Variants in MROH2A observed in about 807,000 individuals in gnomAD.
MROH2A encodes maestro heat-like repeat-containing protein family member 2A.
In MROH2A, 174 loss-of-function variants were observed where a neutral mutation model predicts 200.4. The ratio of observed to expected loss-of-function variants is 0.87; its 90% CI spans 0.77 to 0.98. MROH2A has a LOEUF of 0.98. Among genes scored for constraint, MROH2A ranks in the 50% least tolerant of loss-of-function variants. The pLI is 0.00. For synonymous variants in MROH2A, 829 were observed against 840.4 expected, an observed-to-expected ratio of 0.99 and a Z score of 0.23; for missense variants, 2,045 against 2,139.6, an observed-to-expected ratio of 0.96 and a Z score of 0.87.
At chr2:233,814,362 T>C (rs1352199138) in intron 25 of MROH2A, among the ~76,000 whole-genome samples, 1 of 152,198 alleles carries the variant, frequency 6.6e-6, no homozygotes, top group Non-Finnish European at 1.5e-5. Flanking sequence ...GGATGAAGAA[T>C]CAGAACTGGG....
intron 22 of MROH2A, among the ~76,000 whole-genome samples, chr2:233,809,674 T>A (rs1338062146): frequency 1.3e-5 from 2 of 152,186 alleles, no homozygotes; most frequent in East Asian, 3.8e-4. Flanking sequence ...TTTCTTGGAA[T>A]GGCAAGGAGG....
rs1404432914 is a variant in MROH2A at position 233,813,717 on chromosome 2, A to G, written c.2699A>G (p.Asp900Gly). 1 of 1,550,298 alleles carries G rather than the reference A, an allele frequency of 6.5e-7. No individual in the cohort carries two copies. Among genetic ancestry groups the G allele is most frequent in the East Asian group, 2.4e-5 (1 of 40,920 alleles). The change falls in exon 25 of 42, where the codon GAT becomes GGT. Residue 900 changes from aspartate (D) to glycine (G), a missense_variant. Around this residue, in one of 3 missense-constraint regions of MROH2A, gnomAD observed 1,201 missense variants for 1,311.3 expected, o/e 0.92. Coordinates refer to ENST00000389758, the MANE Select transcript of MROH2A (RefSeq NM_001394639.1). The part of the protein sequence containing the change: ...YSTEENSELM[D>G]ISIHSVISLQ... ...ACAGAGGAAAACAGTGAGCTGATGGATATCAGCATACATTCTGTAATTTCT... is the reference window on the plus strand; with the variant it reads ...ACAGAGGAAAACAGTGAGCTGATGGGTATCAGCATACATTCTGTAATTTCT...
In MROH2A at chr2:233,793,676, T is replaced by C. The variant is rs746888454; in HGVS notation, c.674T>C (p.Met225Thr). The C allele has an allele frequency of 3.6e-6, 5 of 1,401,220 alleles. No individual in the cohort carries two copies. Among genetic ancestry groups the C allele is most frequent in the Non-Finnish European group, 3.7e-6 (4 of 1,071,710 alleles). 86.8% of individuals were successfully genotyped at this position (1,401,220 alleles called of 1,614,324 possible). ...ATTCCCCTGTTGCTGTTGGTAGCCA[T>C]GGAGACCTTCTGTGAGACGGTGCAG... ...AKIRQAICSA[M>T]ETFCETVQFY... Residue 225 changes from methionine to threonine, a missense_variant, in exon 7 of 42, where the codon ATG becomes ACG. Physicochemically the swap from Met to Thr is moderately conservative, Grantham distance 81. This residue lies in a region of MROH2A where 831 missense variants were observed against 800.0 expected (regional missense o/e 1.04). Coordinates refer to ENST00000389758, the MANE Select transcript of MROH2A (RefSeq NM_001394639.1).
At position 233,829,743 on chromosome 2, in the gene MROH2A, C is replaced by A; in HGVS notation, c.4570C>A (p.His1524Asn). 1 of 1,458,834 alleles carries A rather than the reference C, an allele frequency of 6.9e-7. No homozygotes were observed. The highest frequency in any genetic ancestry group is 9.1e-7 in the Non-Finnish European group (1 of 1,101,502). The allele number at this position is 1,458,834 out of a possible 1,614,324, so 90.4% of individuals were successfully genotyped here. A position where few individuals can be genotyped will look rare whatever the true frequency, so the allele number is the denominator to read the frequency against. Residue 1524 changes from histidine to asparagine, a missense_variant, in exon 38 of 42, where the codon CAC becomes AAC. By Grantham distance (68) the His-to-Asn change is moderately conservative. Transcript: ENST00000389758. ...GAAGGCCTGGATCCCCCTCATGCTG[C>A]ACTCCCAGGACCCCTGCTCCAATGC... ...VKKAWIPLMLHSQDPCSNAAQ... is the reference protein window; with the variant it reads ...VKKAWIPLMLNSQDPCSNAAQ...
At chr2:233,789,156 G>A (rs2126098428) in intron 3 of MROH2A, among the ~76,000 whole-genome samples, 1 of 152,196 alleles carries the variant, frequency 6.6e-6, no homozygotes, top group Middle Eastern at 3.4e-3. Flanking sequence ...TCCCTCAATA[G>A]GGCAAAGGCA....
chr2:233,798,750 G>A, intron 11 of MROH2A, 24 bp from the exon 12 acceptor site: 3 of 1,542,430 alleles, frequency 1.9e-6, no homozygotes, highest in Non-Finnish European at 2.6e-6. Context: ...CAGCCCTCCA[G>A]CCCACCCAGT....
intron 19 of MROH2A, among the ~76,000 whole-genome samples, chr2:233,806,956 C>T (rs1203613644): frequency 1.3e-5 from 2 of 152,106 alleles, no homozygotes; most frequent in Non-Finnish European, 2.9e-5. Context: ...TACCCTTTCC[C>T]CCTGAGTCCG....
At chr2:233,805,900 C>T (rs1481219666) in intron 19 of MROH2A, among the ~76,000 whole-genome samples, 1 of 152,042 alleles carries the variant, frequency 6.6e-6, no homozygotes, top group African/African-American at 2.4e-5. Flanking sequence ...CTTCCTCACA[C>T]CACACATAAA....
rs780995366 is a variant in MROH2A at position 233,811,965 on chromosome 2, C to T, written c.2651+6C>T. On this transcript the variant is annotated splice_donor_region_variant and intron_variant, in intron 24 of 41. Coordinates refer to ENST00000389758, the MANE Select transcript of MROH2A (RefSeq NM_001394639.1). ...GAGGCCCTCTCGCACCTGAGGTGAG[C>T]TGGGTTCCCACCCTCACCCCATCCC... The T allele has an allele frequency of 1.7e-5, 27 of 1,543,516 alleles. No homozygotes were observed. The East Asian group carries it at 5.4e-4, about 31-fold the overall frequency.
rs888730442 is a variant in MROH2A at position 233,828,807 on chromosome 2, C to G, written c.4263+28C>G. 6.5e-7 allele frequency: 1 copy of G among 1,549,054 alleles called. No homozygotes were observed. The highest frequency in any genetic ancestry group is 8.7e-7 in the Non-Finnish European group (1 of 1,146,016). ...ACTGTGCCTGGCCCTGGGCCCAGGT[C>G]CCGGGAGCTGAGGGTGCAGGCCGGG... On this transcript the variant is annotated intron_variant, in intron 36 of 41. Transcript: ENST00000389758. The surrounding 1 kb of genome is among the most constrained non-coding windows in gnomAD (Gnocchi z 4.6).
intron 26 of MROH2A, among the ~76,000 whole-genome samples, chr2:233,815,619 A>G (rs1703463510): frequency 2.0e-5 from 3 of 152,170 alleles, no homozygotes; most frequent in Admixed American, 2.0e-4. Context: ...TGGATAGCCA[A>G]TTGTTTCAGC....
At chr2:233,813,921 A>G in intron 25 of MROH2A, 143 bp downstream of exon 25, 2 of 523,328 alleles carry the variant, frequency 3.8e-6, no homozygotes, top group Non-Finnish European at 3.4e-6. Flanking sequence ...CAGTAAATGT[A>G]AGGTAATGCT....
intron 18 of MROH2A, 112 bp from the exon 19 acceptor site, chr2:233,804,892 G>A: frequency 1.6e-6 from 1 of 622,348 alleles, no homozygotes; most frequent in Non-Finnish European, 2.8e-6. Flanking sequence ...GTGGGCAAGG[G>A]AAGCGAGAGA....
rs1559484885 is a variant in MROH2A at position 233,828,593 on chromosome 2, CGCCCTGGGGATAACT to C, written c.4114-32_4114-18del. 1.3e-6 allele frequency: 2 copies of C among 1,541,590 alleles called. No individual in the cohort carries two copies. Among genetic ancestry groups the C allele is most frequent in the Admixed American group, 2.0e-5 (1 of 50,400 alleles). Reference sequence around the variant, plus strand: ...CCACCTTGCTGCTGAGAAATGAGCCCGCCCTGGGGATAACTGCCCAATGTCCTCCCTTCCAGTTCA... The same window carrying C: ...CCACCTTGCTGCTGAGAAATGAGCCCGCCCAATGTCCTCCCTTCCAGTTCA... On this transcript the variant is annotated intron_variant, in intron 35 of 41. Transcript: ENST00000389758. The surrounding 1 kb of genome is among the most constrained non-coding windows in gnomAD (Gnocchi z 4.6).
In MROH2A at chr2:233,807,342, G is replaced by A. The variant is rs144911037; in HGVS notation, c.2053-81G>A. 4.3e-4 allele frequency: 589 copies of A among 1,381,962 alleles called. 6 individuals are homozygous for A. The East Asian group carries it at 0.014, about 33-fold the overall frequency. The allele number at this position is 1,381,962 out of a possible 1,614,324, so 85.6% of individuals were successfully genotyped here. On this transcript the variant is annotated intron_variant, in intron 19 of 41. Transcript: ENST00000389758. This position sits in a 1 kb window ranked among gnomAD's most constrained non-coding sequence, Gnocchi z 4.3. Reference sequence around the variant, plus strand: ...CACATTAAAATAAATTGAAAAATACGTAGAAAACTCTCTACAACAGCACCC... The same window carrying A: ...CACATTAAAATAAATTGAAAAATACATAGAAAACTCTCTACAACAGCACCC...
intron 14 of MROH2A, among the ~76,000 whole-genome samples, chr2:233,801,760 C>T (rs1702487855): frequency 6.6e-6 from 1 of 152,224 alleles, no homozygotes; most frequent in African/African-American, 2.4e-5. Context: ...GGTACAGTCG[C>T]CTAGCCAAGT....
Position 233,822,237 on chromosome 2 carries a change from C to T in MROH2A, c.3626C>T (p.Thr1209Ile), listed in dbSNP as rs763965761. The change falls in exon 32 of 42, where the codon ACC (threonine) becomes ATC (isoleucine). Residue 1209 changes from threonine to isoleucine, a missense_variant. This residue lies in a region of MROH2A where 1,201 missense variants were observed against 1,311.3 expected (regional missense o/e 0.92). Transcript: ENST00000389758. ...QSRLSPRISATSKADIWRLAA... is the reference protein window; with the variant it reads ...QSRLSPRISAISKADIWRLAA... ...CGGCTCAGCCCCAGAATCAGTGCCA[C>T]CTCCAAGGCTGACATCTGGCGCCTG... 6 of 1,547,910 alleles carry T rather than the reference C, an allele frequency of 3.9e-6. No homozygotes were observed. Among genetic ancestry groups the T allele is most frequent in the East Asian group, 4.9e-5 (2 of 40,926 alleles).
rs1489721046 is a variant in MROH2A at position 233,792,950 on chromosome 2, C to T, written c.670+56C>T. 2.6e-6 allele frequency: 4 copies of T among 1,512,650 alleles called. No individual in the cohort carries two copies. In the African/African-American group the frequency reaches 4.1e-5, roughly 16 times the overall value. The allele number at this position is 1,512,650 out of a possible 1,614,324, so 93.7% of individuals were successfully genotyped here. Reference sequence around the variant, plus strand: ...GCTCGATCAGGGCGCCGGAGGGAGACTGCTGGGTAAGGAGCAGATGGAGGG... The same window carrying T: ...GCTCGATCAGGGCGCCGGAGGGAGATTGCTGGGTAAGGAGCAGATGGAGGG... On this transcript the variant is annotated intron_variant, in intron 6 of 41. Transcript: ENST00000389758.
chr2:233,819,848 C>T, intron 30 of MROH2A, 54 bp from the exon 31 acceptor site: 1 of 1,451,682 alleles, frequency 6.9e-7, no homozygotes, highest in South Asian at 1.4e-5. Flanking sequence ...GGGGTTAGTG[C>T]AGGAGGCCAT....
Sources: allele counts gnomAD v4.1 joint callset (sites outside exome capture counted in the v4.1 genomes callset), GRCh38; gene constraint gnomAD v4.1.1; regional missense constraint gnomAD v4.1.1; non-coding constraint Gnocchi (gnomAD v3.1); transcripts MANE v1.5; gene names NCBI Gene and HGNC (gene_info 2026-07-23, HGNC 2026-07-21).